MPP7: variants seen among roughly 807,000 people sequenced by gnomAD.
MPP7 encodes the protein MAGUK p55 subfamily member 7.
Under a neutral mutation model 76.5 loss-of-function variants are expected in MPP7, and 60 were observed. That is an observed-to-expected ratio of 0.78 (90% CI 0.64 to 0.97). The LOEUF is 0.97. Among genes scored for constraint, MPP7 ranks in the 50% least tolerant of loss-of-function variants. The pLI is 0.00. For synonymous variants in MPP7, 237 were observed against 244.5 expected, an observed-to-expected ratio of 0.97 and a Z score of 0.29; for missense variants, 641 against 694.0, an observed-to-expected ratio of 0.92 and a Z score of 0.86.
At chr10:28,303,947 T>C (rs1017986119), upstream of MPP7, among the ~76,000 whole-genome samples, 6 of 151,838 alleles carry the variant, frequency 4.0e-5, no homozygotes, top group African/African-American at 1.5e-4. Flanking sequence ...AAGACTCTTA[T>C]AGGAAGAATT....
At chr10:28,179,974 A>G (rs1311817901) in intron 3 of MPP7, among the ~76,000 whole-genome samples, 1 of 152,226 alleles carries the variant, frequency 6.6e-6, no homozygotes, top group Non-Finnish European at 1.5e-5. Flanking sequence ...TGAGGAAGAA[A>G]GCAATTCTAG....
chr10:28,129,270 A>C (rs1255433148), intron 6 of MPP7, among the ~76,000 whole-genome samples: 2 of 152,214 alleles, frequency 1.3e-5, no homozygotes, highest in Non-Finnish European at 2.9e-5. Context: ...AAAATAAATT[A>C]AAATTGGATC....
At chr10:28,317,296 G>A (rs1417807317) in intron 2 of MPP7, among the ~76,000 whole-genome samples, 1 of 152,196 alleles carries the variant, frequency 6.6e-6, no homozygotes, top group African/African-American at 2.4e-5. Flanking sequence ...GGGAGGCCAG[G>A]ATGGGAGGTT....
At chr10:28,200,206 T>C (rs1564696745) in intron 3 of MPP7, among the ~76,000 whole-genome samples, 1 of 152,190 alleles carries the variant, frequency 6.6e-6, no homozygotes, top group Admixed American at 6.5e-5. Flanking sequence ...CCTGAAAGTA[T>C]TGCAGACTTT....
At chr10:28,209,230 C>T (rs908407557) in intron 2 of MPP7, among the ~76,000 whole-genome samples, 7 of 151,958 alleles carry the variant, frequency 4.6e-5, no homozygotes, top group Admixed American at 2.6e-4. Flanking sequence ...ACACAGAGGC[C>T]GAGGCAGGAA....
intron 3 of MPP7, among the ~76,000 whole-genome samples, chr10:28,196,852 A>G (rs1837599948): frequency 6.6e-6 from 1 of 152,186 alleles, no homozygotes; most frequent in African/African-American, 2.4e-5. Flanking sequence ...TGTCCCATCC[A>G]GTCTTCACTG....
chr10:28,108,325 A>T (rs540806686), intron 11 of MPP7, among the ~76,000 whole-genome samples: 1 of 152,180 alleles, frequency 6.6e-6, no homozygotes, highest in Non-Finnish European at 1.5e-5. Flanking sequence ...CATAATTATT[A>T]ATCTTAAAAT....
chr10:28,073,339 A>G (rs535897270), intron 12 of MPP7, among the ~76,000 whole-genome samples: 11 of 152,236 alleles, frequency 7.2e-5, no homozygotes, highest in East Asian at 3.9e-4. Flanking sequence ...TCTGCCTTAC[A>G]TCTGCTGTCC....
chr10:28,174,129 C>T (rs1337914429), intron 3 of MPP7, among the ~76,000 whole-genome samples: 2 of 152,162 alleles, frequency 1.3e-5, no homozygotes, highest in East Asian at 3.9e-4. Flanking sequence ...AGACAAGCCC[C>T]ACCATACCAA....
Position 28,124,261 on chromosome 10 carries a change from A to G in MPP7, c.530-145T>C, listed in dbSNP as rs756264678. On this transcript the variant is annotated intron_variant, in intron 7 of 16. Transcript: ENST00000683449. ...GAGACCTTCACACATCTCAGGTTTC[A>G]GCCTCTATGCCTCTCCATAGCAGTG... 341 of 633,988 alleles carry G rather than the reference A, an allele frequency of 5.4e-4. 1 individual carries two copies. Among genetic ancestry groups the G allele is most frequent in the Middle Eastern group, 1.8e-3 (7 of 3,848 alleles). The allele number at this position is 633,988 out of a possible 1,614,324, so 39.3% of individuals were successfully genotyped here.
intron 2 of MPP7, among the ~76,000 whole-genome samples, chr10:28,327,713 T>C (rs1347048806): frequency 6.6e-6 from 1 of 152,136 alleles, no homozygotes; most frequent in Non-Finnish European, 1.5e-5. Flanking sequence ...AATTTTCAAG[T>C]CAAGAACCAA....
intron 2 of MPP7, among the ~76,000 whole-genome samples, chr10:28,312,101 T>C (rs2133175361): frequency 6.6e-6 from 1 of 152,278 alleles, no homozygotes; most frequent in East Asian, 1.9e-4. Context: ...GCAAGATTTA[T>C]TGTGAAGAGC....
chr10:28,318,135 C>T (rs1053168261), intron 2 of MPP7, among the ~76,000 whole-genome samples: 23 of 152,190 alleles, frequency 1.5e-4, no homozygotes, highest in African/African-American at 4.8e-4. Flanking sequence ...ATTCCAACTA[C>T]CATGGGAAAT....
intron 5 of MPP7, among the ~76,000 whole-genome samples, chr10:28,132,568 TACAA>T (rs1452588558): frequency 2.6e-5 from 4 of 152,126 alleles, no homozygotes; most frequent in African/African-American, 9.7e-5. Flanking sequence ...TAGCCAGGAT[TACAA>T]ATGCATGCCC....
intron 11 of MPP7, among the ~76,000 whole-genome samples, chr10:28,102,924 C>T (rs1006047916): frequency 2.0e-5 from 3 of 152,176 alleles, no homozygotes; most frequent in African/African-American, 4.8e-5. Context: ...GTTCATGTTA[C>T]GGCTCTGCTT....
chr10:28,283,346 C>T (rs1204346531), intron 1 of MPP7, among the ~76,000 whole-genome samples: 1 of 151,990 alleles, frequency 6.6e-6, no homozygotes, highest in Non-Finnish European at 1.5e-5. Flanking sequence ...TTCTCCCTGA[C>T]TCCATTTTTC....
intron 3 of MPP7, among the ~76,000 whole-genome samples, chr10:28,162,801 C>T (rs956344936): frequency 2.6e-5 from 4 of 152,146 alleles, no homozygotes; most frequent in Non-Finnish European, 5.9e-5. Context: ...GGTTATAAAA[C>T]ACCGTGACTT....
intron 2 of MPP7, among the ~76,000 whole-genome samples, chr10:28,225,640 T>C (rs1303904852): frequency 6.6e-6 from 1 of 152,160 alleles, no homozygotes; most frequent in Non-Finnish European, 1.5e-5. Flanking sequence ...ACAATGGCTA[T>C]AATCAAAAAC....
At chr10:28,276,737 G>C (rs1203372230) in intron 1 of MPP7, among the ~76,000 whole-genome samples, 2 of 152,036 alleles carry the variant, frequency 1.3e-5, no homozygotes, top group Non-Finnish European at 2.9e-5. Context: ...TCACAGAACA[G>C]GTTTATGTTT....
Sources: allele counts gnomAD v4.1 joint callset (sites outside exome capture counted in the v4.1 genomes callset), GRCh38; gene constraint gnomAD v4.1.1; transcripts MANE v1.5; gene names NCBI Gene and HGNC (gene_info 2026-07-23, HGNC 2026-07-21).